PLEKHA6: variants seen among roughly 807,000 people sequenced by gnomAD.
The protein encoded by PLEKHA6 is pleckstrin homology domain containing A6, also known as pleckstrin homology domain-containing family A member 6.
In PLEKHA6, 60 loss-of-function variants were observed where a neutral mutation model predicts 116.7. The observed-to-expected ratio is 0.51, with a 90% CI of 0.42 to 0.64. The LOEUF (loss-of-function observed/expected upper bound fraction) is 0.64. Among genes scored for constraint, PLEKHA6 ranks in the 30% least tolerant of loss-of-function variants. PLEKHA6 has a pLI of 0.00. For synonymous variants in PLEKHA6, 489 were observed against 556.1 expected (o/e 0.88, Z 1.70); for missense variants, 1,338 against 1,422.7 (o/e 0.94, Z 0.96).
At chr1:204,230,050 C>T (rs761301150) in intron 18 of PLEKHA6, among the ~76,000 whole-genome samples, 4 of 152,224 alleles carry the variant, frequency 2.6e-5, no homozygotes, top group Non-Finnish European at 4.4e-5. Context: ...TTATCTTCAT[C>T]GCAGCCAGCC....
chr1:204,333,246 G>A (rs1052456061), intron 1 of PLEKHA6, among the ~76,000 whole-genome samples: 2 of 152,208 alleles, frequency 1.3e-5, no homozygotes, highest in Admixed American at 6.5e-5. Flanking sequence ...ATTTGTGTTT[G>A]TAGGATGACT....
chr1:204,249,049 A>T, intron 11 of PLEKHA6, 79 bp from the exon 12 acceptor site: 1 of 1,542,310 alleles, frequency 6.5e-7, no homozygotes, highest in Non-Finnish European at 8.9e-7. Flanking sequence ...CTGAGCCCTT[A>T]GAGGTTCAAC....
intron 2 of PLEKHA6, among the ~76,000 whole-genome samples, chr1:204,371,270 T>A (rs1388200734): frequency 1.3e-5 from 2 of 152,126 alleles, no homozygotes; most frequent in African/African-American, 4.8e-5. Context: ...GGCAGAGGGA[T>A]GAAAGATGAG....
chr1:204,292,587 A>G (rs1669884212), intron 1 of PLEKHA6, among the ~76,000 whole-genome samples: 2 of 150,984 alleles, frequency 1.3e-5, no homozygotes, highest in Admixed American at 6.6e-5. Flanking sequence ...GCCCTGGCTG[A>G]TGCCCCCCAT....
intron 1 of PLEKHA6, among the ~76,000 whole-genome samples, chr1:204,286,891 T>C (rs1023251081): frequency 2.0e-5 from 3 of 152,210 alleles, no homozygotes; most frequent in African/African-American, 7.2e-5. Flanking sequence ...TGGCTGCTTC[T>C]GCTCTCGCCC....
chr1:204,336,366 G>A (rs984387365), intron 1 of PLEKHA6, among the ~76,000 whole-genome samples: 2 of 152,220 alleles, frequency 1.3e-5, no homozygotes, highest in Non-Finnish European at 2.9e-5. Flanking sequence ...CTGCAGGATG[G>A]AGGCTTGAAA....
In PLEKHA6 at chr1:204,261,536, A is replaced by C; in HGVS notation, c.382-88T>G. 2.8e-6 allele frequency: 4 copies of C among 1,409,944 alleles called. No individual in the cohort carries two copies. In the South Asian group the frequency reaches 5.5e-5, roughly 20 times the overall value. 87.3% of individuals were successfully genotyped at this position (1,409,944 alleles called of 1,614,324 possible). ...GTTGGGAGAAGACACCAACGCCCAC[A>C]GAATGGGCAGTCAGTTGGGCCATTC... On this transcript the variant is annotated intron_variant, in intron 6 of 22. Transcript: ENST00000272203. This position sits in a 1 kb window ranked among gnomAD's most constrained non-coding sequence, Gnocchi z 4.0.
intron 1 of PLEKHA6, among the ~76,000 whole-genome samples, chr1:204,278,465 A>G (rs148048906): frequency 1.3e-5 from 2 of 152,226 alleles, no homozygotes; most frequent in African/African-American, 2.4e-5. Flanking sequence ...GTCTGTTGCT[A>G]TGGCAATTCT....
At chr1:204,293,587 T>C (rs764074607) in intron 1 of PLEKHA6, among the ~76,000 whole-genome samples, 3 of 152,276 alleles carry the variant, frequency 2.0e-5, no homozygotes, top group Admixed American at 6.5e-5. Context: ...AAAGTGGCAC[T>C]GTTTTAGATC....
chr1:204,239,560 A>G (rs1046382920), intron 17 of PLEKHA6, among the ~76,000 whole-genome samples: 1 of 152,172 alleles, frequency 6.6e-6, no homozygotes, highest in African/African-American at 2.4e-5. Flanking sequence ...GGTATTCCAC[A>G]CAGCCTTGCC....
At chr1:204,366,998 G>A (rs1219481614) in intron 3 of PLEKHA6, among the ~76,000 whole-genome samples, 3 of 152,200 alleles carry the variant, frequency 2.0e-5, no homozygotes, top group African/African-American at 4.8e-5. Flanking sequence ...GGGCAGAGGC[G>A]CTTCACCATC....
chr1:204,302,612 C>T (rs1670922142), intron 1 of PLEKHA6, among the ~76,000 whole-genome samples: 1 of 152,196 alleles, frequency 6.6e-6, no homozygotes, highest in African/African-American at 2.4e-5. Flanking sequence ...TACAGTGGCT[C>T]ACGCCTATAA....
intron 9 of PLEKHA6, among the ~76,000 whole-genome samples, chr1:204,256,428 A>G (rs1665295957): frequency 6.6e-6 from 1 of 152,176 alleles, no homozygotes; most frequent in South Asian, 2.1e-4. Context: ...AAGGACAAAC[A>G]TGAAATAACT....
rs1320107667 is a variant in PLEKHA6, at chr1:204,248,815, G to C, written c.1824+6C>G. The C allele has an allele frequency of 6.2e-7, 1 of 1,613,220 alleles. No homozygotes were observed. The highest frequency in any genetic ancestry group is 1.1e-5 in the South Asian group (1 of 91,026). On this transcript the variant is annotated splice_donor_region_variant and intron_variant, in intron 12 of 22. Transcript: ENST00000272203. ...TGGGGTGCACGAACCCCGCTCCCTGGGTTACCGTGGTCGCCTGAGACAGCT... is the reference window on the plus strand; with the variant it reads ...TGGGGTGCACGAACCCCGCTCCCTGCGTTACCGTGGTCGCCTGAGACAGCT...
rs191770349 is a variant in PLEKHA6, at chr1:204,230,910, G to A, written c.2410-324C>T. ...GTGGTTCATTTACTCAGAAAGGAAT[G>A]CCAAGGATTGCCAGCAATAACCAGA... is the stretch of plus-strand genomic sequence containing the variant. On this transcript the variant is annotated intron_variant, in intron 17 of 22. Transcript: ENST00000272203. 4.3e-4 allele frequency among the ~76,000 whole-genome samples: 66 copies of A among 152,332 alleles called. 2 individuals carry two copies. Among genetic ancestry groups the A allele is most frequent in the African/African-American group, 1.6e-3 (65 of 41,582 alleles).
rs369392643 is a variant in PLEKHA6 at position 204,230,433 on chromosome 1, G to C, written c.2563C>G (p.Pro855Ala). 1.2e-5 allele frequency: 19 copies of C among 1,584,452 alleles called. No individual in the cohort carries two copies. Among genetic ancestry groups the C allele is most frequent in the African/African-American group, 5.4e-5 (4 of 74,628 alleles). The change falls in exon 18 of 23, where the codon CCC (proline) becomes GCC (alanine). Residue 855 changes from proline (P) to alanine (A), a missense_variant. Physicochemically the swap from Pro to Ala is conservative, Grantham distance 27 (BLOSUM62 -1). Around this residue, in one of 3 missense-constraint regions of PLEKHA6, gnomAD observed 1,136 missense variants for 1,163.6 expected, o/e 0.98. Transcript: ENST00000272203. ...ATTACCACTTTGTAGGCTGGCCGGGGACTGGGGTCGGGGGCCGGGCTGGCC... is the reference window on the plus strand; with the variant it reads ...ATTACCACTTTGTAGGCTGGCCGGGCACTGGGGTCGGGGGCCGGGCTGGCC... Reference protein sequence around the residue: ...LPASPAPDPSPRPAYKVVRRH... With the variant: ...LPASPAPDPSARPAYKVVRRH...
At chr1:204,311,395 G>C (rs1340320262) in intron 1 of PLEKHA6, 1 of 153,392 alleles carries the variant, frequency 6.5e-6, no homozygotes, top group Non-Finnish European at 1.4e-5. Flanking sequence ...GGAGGCTGAG[G>C]CAGGAGAATC....
At chr1:204,273,821 G>T in intron 2 of PLEKHA6, 81 bp from the exon 3 acceptor site, 1 of 933,290 alleles carries the variant, frequency 1.1e-6, no homozygotes, top group Non-Finnish European at 1.7e-6. Flanking sequence ...TCCACACCCT[G>T]CCACCCACTG....
rs1024193935 is a variant in PLEKHA6 at position 204,218,912 on chromosome 1, C to T, written c.*3876G>A. 1 of 152,568 alleles carries T rather than the reference C, an allele frequency of 6.6e-6. No individual in the cohort carries two copies. The highest frequency in any genetic ancestry group is 1.5e-5 in the Non-Finnish European group (1 of 68,038). The allele number at this position is 152,568 out of a possible 1,614,324, so 9.5% of individuals were successfully genotyped here. A position where few individuals can be genotyped will look rare whatever the true frequency, so the allele number is the denominator to read the frequency against. Reference sequence around the variant, plus strand: ...TATACAAACTTGCAAGATACAAATGCAGAACTCACTGGGATTCTTCAGTAC... The same window carrying T: ...TATACAAACTTGCAAGATACAAATGTAGAACTCACTGGGATTCTTCAGTAC... On this transcript the variant is annotated 3_prime_UTR_variant, in exon 23 of 23. Coordinates refer to ENST00000272203, the MANE Select transcript of PLEKHA6 (RefSeq NM_014935.5).
Sources: allele counts gnomAD v4.1 joint callset (sites outside exome capture counted in the v4.1 genomes callset), GRCh38; gene constraint gnomAD v4.1.1; regional missense constraint gnomAD v4.1.1; non-coding constraint Gnocchi (gnomAD v3.1); transcripts MANE v1.5; gene names NCBI Gene and HGNC (gene_info 2026-07-23, HGNC 2026-07-21).